Variants in ARHGAP17 observed in about 807,000 individuals in gnomAD.
ARHGAP17 encodes Rho GTPase activating protein 17.
In ARHGAP17, 57 loss-of-function variants were observed where a neutral mutation model predicts 99.5. That is an observed-to-expected ratio of 0.57 (90% CI 0.46 to 0.71). ARHGAP17 has a LOEUF of 0.71. Ranked by LOEUF, ARHGAP17 falls within the 30% of genes least tolerant of loss-of-function variation. The pLI, the probability that ARHGAP17 is intolerant of heterozygous loss-of-function variation, is 0.00. For synonymous variants in ARHGAP17, 417 were observed against 429.6 expected, an observed-to-expected ratio of 0.97 and a Z score of 0.36; for missense variants, 1,000 against 1,122.4, an observed-to-expected ratio of 0.89 and a Z score of 1.56.
At chr16:24,974,507 T>C (rs953709872) in intron 3 of ARHGAP17, among the ~76,000 whole-genome samples, 1 of 152,068 alleles carries the variant, frequency 6.6e-6, no homozygotes, top group African/African-American at 2.4e-5. Context: ...CCAGTCCCTG[T>C]GATGACCGAA....
At chr16:25,003,654 T>C (rs71391587) in intron 1 of ARHGAP17, among the ~76,000 whole-genome samples, 6,533 of 151,764 alleles carry the variant, frequency 0.043, 191 homozygotes, top group Middle Eastern at 0.09. Flanking sequence ...TGAAACCCTG[T>C]CTCTACTAAA....
intron 17 of ARHGAP17, among the ~76,000 whole-genome samples, chr16:24,938,237 G>A (rs2051196005): frequency 6.6e-6 from 1 of 152,074 alleles, no homozygotes; most frequent in Non-Finnish European, 1.5e-5. Context: ...GGTGGTGTGT[G>A]CCTGTAATCC....
intron 1 of ARHGAP17, among the ~76,000 whole-genome samples, chr16:25,008,129 T>C (rs1028981632): frequency 6.6e-6 from 1 of 152,228 alleles, no homozygotes; most frequent in Non-Finnish European, 1.5e-5. Context: ...AATAGGTATA[T>C]AACTAAAAGT....
rs1474809136 is a variant in ARHGAP17 at position 24,939,045 on chromosome 16, T to C, written c.1724+319A>G. On this transcript the variant is annotated intron_variant, in intron 17 of 19. Transcript: ENST00000289968. ...ACACTGGATGACAATGAACAGAAGGTACATGAATGCTGACAGTATACATCC... is the reference window on the plus strand; with the variant it reads ...ACACTGGATGACAATGAACAGAAGGCACATGAATGCTGACAGTATACATCC... Among the ~76,000 whole-genome samples, 5 of 152,156 alleles carry C rather than the reference T, an allele frequency of 3.3e-5. No homozygotes were observed. In the Middle Eastern group the frequency reaches 0.013, roughly 385 times the overall value.
intron 17 of ARHGAP17, among the ~76,000 whole-genome samples, chr16:24,937,503 T>C (rs572943716): frequency 6.6e-6 from 1 of 152,250 alleles, no homozygotes; most frequent in East Asian, 1.9e-4. Flanking sequence ...TGCTTAGACT[T>C]TTTTCCTTCA....
In ARHGAP17 at chr16:24,970,591, G is replaced by C. The variant is rs778244762; in HGVS notation, c.199-11C>G. Reference sequence around the variant, plus strand: ...CAGAGGCAGTTTTTTCTGGAAGATAGAAGACAGTGTGTGTTTTTCTCATTA... The same window carrying C: ...CAGAGGCAGTTTTTTCTGGAAGATACAAGACAGTGTGTGTTTTTCTCATTA... On this transcript the variant is annotated splice_polypyrimidine_tract_variant and intron_variant, in intron 3 of 19. Coordinates refer to ENST00000289968, the MANE Select transcript of ARHGAP17 (RefSeq NM_001006634.3). The C allele has an allele frequency of 6.2e-7, 1 of 1,609,684 alleles. No homozygotes were observed. Among genetic ancestry groups the C allele is most frequent in the Non-Finnish European group, 8.5e-7 (1 of 1,175,956 alleles).
At chr16:25,011,348 A>G (rs1370110015) in intron 1 of ARHGAP17, among the ~76,000 whole-genome samples, 1 of 152,178 alleles carries the variant, frequency 6.6e-6, no homozygotes, top group Non-Finnish European at 1.5e-5. Context: ...CGAGATGAGT[A>G]TTCTTTCCCT....
rs372057600 is a variant in ARHGAP17 at position 24,979,308 on chromosome 16, C to G, written c.54-303G>C. On this transcript the variant is annotated intron_variant, in intron 1 of 19. Transcript: ENST00000289968. ...GGCAGCAGGTGCTGATATAAAATGC[C>G]ATTTCCCAGGTCCCTCTGGATATTC... is the stretch of plus-strand genomic sequence containing the variant. 2.6e-5 allele frequency among the ~76,000 whole-genome samples: 4 copies of G among 152,258 alleles called. No individual in the cohort carries two copies. The East Asian group carries it at 7.7e-4, about 29-fold the overall frequency.
chr16:24,928,914 T>C (rs116381178), intron 19 of ARHGAP17, among the ~76,000 whole-genome samples: 2 of 152,190 alleles, frequency 1.3e-5, no homozygotes, highest in African/African-American at 2.4e-5. Context: ...AGATTTTTTT[T>C]AATTTTTTGG....
intron 1 of ARHGAP17, among the ~76,000 whole-genome samples, chr16:24,995,031 G>T (rs904369612): frequency 6.6e-6 from 1 of 152,122 alleles, no homozygotes; most frequent in African/African-American, 2.4e-5. Context: ...TCTTCAAATG[G>T]CATCAGCAAG....
chr16:24,942,250 CCTCA>C, intron 15 of ARHGAP17, 107 bp from the exon 16 acceptor site: 1 of 1,154,384 alleles, frequency 8.7e-7, no homozygotes, highest in African/African-American at 1.6e-5. Context: ...AGTCCACAGC[CCTCA>C]CTATTTCAAA....
At chr16:24,997,605 GA>G (rs2053233205) in intron 1 of ARHGAP17, among the ~76,000 whole-genome samples, 1 of 152,202 alleles carries the variant, frequency 6.6e-6, no homozygotes, top group African/African-American at 2.4e-5. Flanking sequence ...TGAGATGGAG[GA>G]CAGCCCACAC....
intron 19 of ARHGAP17, among the ~76,000 whole-genome samples, chr16:24,923,176 T>G (rs1185711622): frequency 6.6e-6 from 1 of 152,214 alleles, no homozygotes; most frequent in Admixed American, 6.5e-5. Context: ...CCAGATTGGT[T>G]GCACTCTGGC....
chr16:24,932,396 A>G (rs2051018463), intron 18 of ARHGAP17, among the ~76,000 whole-genome samples: 1 of 152,208 alleles, frequency 6.6e-6, no homozygotes, highest in African/African-American at 2.4e-5. Context: ...AGGCCACCCC[A>G]ATGACACGGA....
At chr16:24,938,701 G>A (rs113044178) in intron 17 of ARHGAP17, among the ~76,000 whole-genome samples, 307 of 151,802 alleles carry the variant, frequency 2.0e-3, no homozygotes, top group Non-Finnish European at 3.6e-3. Context: ...GGGCCTAGGA[G>A]GCGGAGGGTG....
intron 16 of ARHGAP17, chr16:24,941,692 T>C (rs968627936): frequency 5.6e-6 from 2 of 355,674 alleles, no homozygotes; most frequent in African/African-American, 4.3e-5. Context: ...CACGTACATC[T>C]GGGTCACTTT....
intron 3 of ARHGAP17, among the ~76,000 whole-genome samples, chr16:24,976,314 G>A (rs979151420): frequency 6.6e-6 from 1 of 152,186 alleles, no homozygotes; most frequent in African/African-American, 2.4e-5. Flanking sequence ...ACTGCTTGAG[G>A]CCAGGAGTTC....
At chr16:24,935,411 C>T (rs1229070370) in intron 18 of ARHGAP17, 59 bp downstream of exon 18, 4 of 1,505,152 alleles carry the variant, frequency 2.7e-6, no homozygotes, top group African/African-American at 1.4e-5. Flanking sequence ...AATCCTTGCA[C>T]TAACTTAAGG....
chr16:24,993,413 C>T (rs1037010046), intron 1 of ARHGAP17, among the ~76,000 whole-genome samples: 1 of 151,900 alleles, frequency 6.6e-6, no homozygotes, highest in African/African-American at 2.4e-5. Flanking sequence ...TGGTGAAACC[C>T]CATTTCTACT....
Sources: gnomAD v4.1 joint callset for allele counts (sites outside exome capture counted in the v4.1 genomes callset) on GRCh38, gnomAD v4.1.1 for gene constraint, MANE v1.5 for transcripts, NCBI Gene and HGNC (gene_info 2026-07-23, HGNC 2026-07-21) for gene names.